The following ANKRD6 variants were observed in gnomAD, a reference collection of about 807,000 sequenced individuals.
The protein encoded by ANKRD6 is ankyrin repeat domain 6.
ANKRD6 carries 56 observed loss-of-function variants against 82.3 expected under a neutral mutation model. The observed-to-expected ratio is 0.68, with a 90% CI of 0.55 to 0.85. The LOEUF is 0.85. ANKRD6 is among the 40% of genes least tolerant of loss of function. The pLI is 0.00. For missense variants in ANKRD6, 852 were observed against 907.6 expected (o/e 0.94, Z 0.79); for synonymous variants, 347 against 352.1 (o/e 0.99, Z 0.16).
intron 9 of ANKRD6, chr6:89,618,343 A>G (rs1488310322): frequency 1.6e-6 from 1 of 614,370 alleles, no homozygotes; most frequent in African/African-American, 1.8e-5. Flanking sequence ...ATCGCAGGAC[A>G]GGGCCATGAT....
intron 2 of ANKRD6, among the ~76,000 whole-genome samples, chr6:89,569,942 T>G (rs1369485689): frequency 6.6e-6 from 1 of 152,222 alleles, no homozygotes; most frequent in Non-Finnish European, 1.5e-5. Flanking sequence ...TTTCTGGTAT[T>G]TGTCTCCATA....
intron 1 of ANKRD6, among the ~76,000 whole-genome samples, chr6:89,511,472 G>A (rs1251146843): frequency 6.6e-6 from 1 of 152,182 alleles, no homozygotes; most frequent in African/African-American, 2.4e-5. Context: ...AGTAGTTAGT[G>A]GTTAAAGGCA....
At chr6:89,446,812 A>G (rs1772141876) in intron 1 of ANKRD6, among the ~76,000 whole-genome samples, 1 of 152,132 alleles carries the variant, frequency 6.6e-6, no homozygotes, top group South Asian at 2.1e-4. Flanking sequence ...GGGGGCAGTT[A>G]CCCTCGTGCT....
chr6:89,617,915 G>A (rs771909046), intron 8 of ANKRD6, 39 bp from the exon 9 acceptor site: 14 of 1,598,604 alleles, frequency 8.8e-6, no homozygotes, highest in South Asian at 2.2e-5. Context: ...TGTGGGACCC[G>A]TGGCCCTTTC....
chr6:89,450,866 AATAGACTACGAT>A (rs1346209679), intron 1 of ANKRD6, among the ~76,000 whole-genome samples: 2 of 152,182 alleles, frequency 1.3e-5, no homozygotes, highest in Non-Finnish European at 2.9e-5. Flanking sequence ...TGGTGTAGTA[AATAGACTACGAT>A]ATAGTGTAAA....
At chr6:89,500,140 G>T (rs1210400509) in intron 1 of ANKRD6, among the ~76,000 whole-genome samples, 2 of 152,292 alleles carry the variant, frequency 1.3e-5, no homozygotes, top group South Asian at 4.1e-4. Flanking sequence ...TGATGACCTT[G>T]ATGCTTCTAG....
At chr6:89,607,392 T>C (rs776897752) in intron 5 of ANKRD6, among the ~76,000 whole-genome samples, 1 of 152,188 alleles carries the variant, frequency 6.6e-6, no homozygotes, top group Non-Finnish European at 1.5e-5. Flanking sequence ...CAGTGGAATA[T>C]AATTAATATT....
chr6:89,511,039 T>A lies in ANKRD6; in HGVS notation c.-143-55795T>A, dbSNP rs142552605. Among the ~76,000 whole-genome samples the A allele has an allele frequency of 9.8e-5, 15 of 152,296 alleles. No homozygotes were observed. In the East Asian group the frequency reaches 2.9e-3, roughly 29 times the overall value. ...GAGACTTCTGTGTCAGGGCTTATTA[T>A]AAGGATGTGATCATAGGCCCAGTGA... On this transcript the variant is annotated intron_variant, in intron 1 of 15. Transcript: ENST00000339746.
intron 1 of ANKRD6, chr6:89,508,839 A>AC (rs934838643): frequency 2.6e-5 from 4 of 152,096 alleles, no homozygotes; most frequent in African/African-American, 9.7e-5. Context: ...CCTGTTCCTG[A>AC]CCCCAGAATA....
chr6:89,440,257 G>A (rs972865309), intron 1 of ANKRD6, among the ~76,000 whole-genome samples: 2 of 152,226 alleles, frequency 1.3e-5, no homozygotes, highest in African/African-American at 4.8e-5. Context: ...ACAAAGAACA[G>A]TACACTTTTA....
At chr6:89,562,007 G>C (rs776477883) in intron 1 of ANKRD6, among the ~76,000 whole-genome samples, 9 of 152,134 alleles carry the variant, frequency 5.9e-5, no homozygotes, top group Non-Finnish European at 1.2e-4. Flanking sequence ...CCCATCTCTG[G>C]GACCAAAAAT....
At chr6:89,595,870 G>T in intron 2 of ANKRD6, 46 bp from the exon 3 acceptor site, 1 of 1,476,110 alleles carries the variant, frequency 6.8e-7, no homozygotes, top group East Asian at 2.4e-5. Flanking sequence ...CAAGGGAGTA[G>T]CATTGAGGAC....
At chr6:89,601,075 A>G (rs1274005033) in intron 3 of ANKRD6, among the ~76,000 whole-genome samples, 3 of 152,118 alleles carry the variant, frequency 2.0e-5, no homozygotes, top group Non-Finnish European at 2.9e-5. Flanking sequence ...GCAGTATCTC[A>G]TATGATTACT....
intron 9 of ANKRD6, among the ~76,000 whole-genome samples, chr6:89,620,399 G>A (rs1490485367): frequency 6.6e-6 from 1 of 152,210 alleles, no homozygotes; most frequent in Admixed American, 6.5e-5. Context: ...CGCTCTGAAA[G>A]TACATTTTAG....
At chr6:89,502,477 C>T (rs756323245) in intron 1 of ANKRD6, among the ~76,000 whole-genome samples, 9 of 151,166 alleles carry the variant, frequency 6.0e-5, no homozygotes, top group Non-Finnish European at 1.2e-4. Context: ...GAAACCATGG[C>T]GAACCTTTAT....
intron 3 of ANKRD6, among the ~76,000 whole-genome samples, chr6:89,597,069 A>C (rs1796072699): frequency 6.6e-6 from 1 of 152,218 alleles, no homozygotes; most frequent in Admixed American, 6.5e-5. Flanking sequence ...AATGTCATAA[A>C]ACTTGGCAAA....
chr6:89,533,901 C>T (rs1583136965), intron 1 of ANKRD6, among the ~76,000 whole-genome samples: 1 of 152,046 alleles, frequency 6.6e-6, no homozygotes, highest in Non-Finnish European at 1.5e-5. Flanking sequence ...AGTGACCTGG[C>T]GGTACCTGGT....
chr6:89,445,802 A>G (rs968410346), intron 1 of ANKRD6, among the ~76,000 whole-genome samples: 2 of 149,454 alleles, frequency 1.3e-5, no homozygotes, highest in African/African-American at 4.9e-5. Context: ...CTGGTCTCAA[A>G]CTCCTGACCT....
chr6:89,607,903 C>T (rs956364622), intron 5 of ANKRD6, among the ~76,000 whole-genome samples: 18 of 106,918 alleles, frequency 1.7e-4, no homozygotes, highest in African/African-American at 7.7e-4. Context: ...GCCTCAGCCT[C>T]CTAAGTATCT....
Sources: allele counts gnomAD v4.1 joint callset (sites outside exome capture counted in the v4.1 genomes callset), GRCh38; gene constraint gnomAD v4.1.1; transcripts MANE v1.5; gene names NCBI Gene and HGNC (gene_info 2026-07-23, HGNC 2026-07-21).